Variants in CEP63 observed in about 807,000 individuals in gnomAD.
CEP63 encodes the protein centrosomal protein of 63 kDa.
A neutral mutation model predicts 89.1 loss-of-function variants in CEP63; 84 were observed. The observed-to-expected ratio is 0.94, with a 90% CI of 0.79 to 1.13. The LOEUF (loss-of-function observed/expected upper bound fraction) is 1.13. CEP63 is among the 50% of genes most tolerant of loss of function. The probability of loss-of-function intolerance (pLI) is 0.00; values close to 1 mark genes in which losing one functional copy is unlikely to be tolerated. For synonymous variants in CEP63, 267 were observed against 272.5 expected (o/e 0.98, Z 0.20); for missense variants, 838 against 813.3 (o/e 1.03, Z -0.37).
At chr3:134,663,570 G>T in the CEP63 span, among the ~76,000 whole-genome samples, 1 of 152,222 alleles carries the variant, frequency 6.6e-6, no homozygotes, top group Non-Finnish European at 1.5e-5. Flanking sequence ...TCTGAAGTCA[G>T]TCTGTCCGTC....
intron 3 of CEP63, among the ~76,000 whole-genome samples, chr3:134,517,155 T>TC (rs1946434747): frequency 6.6e-6 from 1 of 152,192 alleles, no homozygotes; most frequent in Non-Finnish European, 1.5e-5. Context: ...TTTCCTTCCT[T>TC]CTCTGCCTTG....
At chr3:134,600,606 C>T in the CEP63 span, among the ~76,000 whole-genome samples, 1 of 151,408 alleles carries the variant, frequency 6.6e-6, no homozygotes, top group Admixed American at 6.6e-5. Context: ...CCTCCACCCT[C>T]GGTTCCCTTC....
intron 6 of CEP63, among the ~76,000 whole-genome samples, chr3:134,541,747 A>G (rs2109405943): frequency 7.4e-6 from 1 of 134,492 alleles, no homozygotes; most frequent in African/African-American, 2.8e-5. Context: ...TCCTGACCTC[A>G]AGTGATCCAC....
chr3:134,716,604 T>A, the CEP63 span, among the ~76,000 whole-genome samples: 1 of 152,170 alleles, frequency 6.6e-6, no homozygotes, highest in Non-Finnish European at 1.5e-5. Context: ...TATGTAGACC[T>A]GAACCTCCCC....
At chr3:134,688,299 T>C in the CEP63 span, among the ~76,000 whole-genome samples, 3 of 152,246 alleles carry the variant, frequency 2.0e-5, no homozygotes, top group African/African-American at 7.2e-5. Flanking sequence ...TTATGTATAT[T>C]GTACGATTCC....
At chr3:134,736,525 A>ATTTTT in the CEP63 span, among the ~76,000 whole-genome samples, 36,846 of 152,044 alleles carry the variant, frequency 0.24, 4,678 homozygotes, top group African/African-American at 0.31. Context: ...GAATAGTCAG[A>ATTTTT]AAATGCAATT....
intron 10 of CEP63, among the ~76,000 whole-genome samples, 184 bp from the exon 11 acceptor site, chr3:134,549,879 T>C (rs563298251): frequency 6.2e-4 from 94 of 152,334 alleles, no homozygotes; most frequent in Middle Eastern, 3.4e-3. Context: ...ATTGTAGGTA[T>C]AACCACCTGA....
the CEP63 span, among the ~76,000 whole-genome samples, chr3:134,678,865 T>C: frequency 1.3e-5 from 2 of 152,282 alleles, no homozygotes; most frequent in Admixed American, 1.3e-4. Context: ...TCCACCTGGT[T>C]CAAGACCCAG....
the CEP63 span, among the ~76,000 whole-genome samples, chr3:134,649,494 C>A: frequency 3.3e-5 from 5 of 152,212 alleles, no homozygotes; most frequent in South Asian, 2.1e-4. Flanking sequence ...GTATTCAGAG[C>A]AGTCTCATTT....
At chr3:134,485,860 C>A, upstream of CEP63, 1 of 435,646 alleles carries the variant, frequency 2.3e-6, no homozygotes, top group Non-Finnish European at 3.1e-6. Context: ...GTGACAGCCT[C>A]GGCCGATGGG....
intron 14 of CEP63, among the ~76,000 whole-genome samples, chr3:134,560,245 A>G (rs1957108114): frequency 6.6e-6 from 1 of 152,222 alleles, no homozygotes; most frequent in African/African-American, 2.4e-5. Flanking sequence ...CTTCAGAAAT[A>G]TCAGTGTGTT....
At chr3:134,633,380 A>G in the CEP63 span, among the ~76,000 whole-genome samples, 2 of 152,096 alleles carry the variant, frequency 1.3e-5, no homozygotes, top group African/African-American at 2.4e-5. Context: ...AAATCCAACA[A>G]TATAGTAAAA....
chr3:134,718,944 C>T, the CEP63 span, among the ~76,000 whole-genome samples: 4 of 152,142 alleles, frequency 2.6e-5, no homozygotes, highest in African/African-American at 9.7e-5. Flanking sequence ...TTATATAAAA[C>T]CTCTGTTTTT....
chr3:134,518,141 T>C (rs1276930543), intron 3 of CEP63, among the ~76,000 whole-genome samples: 2 of 152,168 alleles, frequency 1.3e-5, no homozygotes, highest in East Asian at 3.8e-4. Flanking sequence ...CTTAATAATG[T>C]AGCCTTAAAA....
chr3:134,650,859 C>T, the CEP63 span: 2 of 1,609,552 alleles, frequency 1.2e-6, no homozygotes, highest in African/African-American at 2.7e-5. Flanking sequence ...TCGGGTTCGC[C>T]TGCTGGTCTG....
the CEP63 span, chr3:134,620,869 G>A: frequency 1.9e-6 from 3 of 1,577,428 alleles, no homozygotes; most frequent in Non-Finnish European, 2.6e-6. Flanking sequence ...TGGGGAGCAG[G>A]AAGGGTGTGC....
At chr3:134,577,340 T>A (rs1290985846), downstream of CEP63, among the ~76,000 whole-genome samples, 1 of 152,110 alleles carries the variant, frequency 6.6e-6, no homozygotes. Flanking sequence ...TTCTCTTGGA[T>A]TTAACAAATG....
downstream of CEP63, among the ~76,000 whole-genome samples, chr3:134,567,204 G>T (rs1449504442): frequency 1.3e-5 from 2 of 149,982 alleles, no homozygotes; most frequent in Non-Finnish European, 3.0e-5. Context: ...GAATTGCCCA[G>T]AATTGACAAA....
the CEP63 span, among the ~76,000 whole-genome samples, chr3:134,708,080 A>T: frequency 6.6e-6 from 1 of 152,192 alleles, no homozygotes; most frequent in South Asian, 2.1e-4. Flanking sequence ...AACAAGCAGC[A>T]CTTATAATGC....
Sources: allele counts gnomAD v4.1 joint callset (sites outside exome capture counted in the v4.1 genomes callset), GRCh38; gene constraint gnomAD v4.1.1; transcripts MANE v1.5; gene names NCBI Gene and HGNC (gene_info 2026-07-23, HGNC 2026-07-21).